MCF2L2: variants seen among roughly 807,000 people sequenced by gnomAD.
MCF2L2 encodes the protein probable guanine nucleotide exchange factor MCF2L2.
MCF2L2 carries 102 observed loss-of-function variants against 150.2 expected under a neutral mutation model. The ratio of observed to expected loss-of-function variants is 0.68; its 90% confidence interval spans 0.58 to 0.80. The LOEUF (loss-of-function observed/expected upper bound fraction) is 0.80, where lower values mean the gene tolerates loss of function less well. Ranked by LOEUF, MCF2L2 falls within the 30% of genes least tolerant of loss-of-function variation. The pLI, the probability that MCF2L2 is intolerant of heterozygous loss-of-function variation, is 0.00. For missense variants in MCF2L2, 1,256 were observed against 1,372.8 expected (o/e 0.91, Z 1.34); for synonymous variants, 465 against 491.3 (o/e 0.95, Z 0.71).
chr3:183,349,926 C>A (rs1731047241), intron 3 of MCF2L2, among the ~76,000 whole-genome samples: 1 of 152,016 alleles, frequency 6.6e-6, no homozygotes, highest in Non-Finnish European at 1.5e-5. Context: ...TCTAAGGGAG[C>A]CACCAGGACT....
At chr3:183,334,017 T>C (rs527759758) in intron 5 of MCF2L2, among the ~76,000 whole-genome samples, 6 of 149,632 alleles carry the variant, frequency 4.0e-5, no homozygotes, top group African/African-American at 1.5e-4. Context: ...AAGAGTCAGC[T>C]TGAAGGGGTT....
rs146731188 is a variant in MCF2L2 at position 183,370,957 on chromosome 3, T to C, written c.275+8340A>G. Among the ~76,000 whole-genome samples, 440 of 152,296 alleles carry C rather than the reference T, an allele frequency of 2.9e-3. 4 individuals carry two copies. Among genetic ancestry groups the C allele is most frequent in the African/African-American group, 0.01 (424 of 41,560 alleles). ...CAGCTGCCCACATGACTGTACACTC[T>C]GGATTGACAAGTACACTCTGTACTC... On this transcript the variant is annotated intron_variant, in intron 3 of 29. Transcript: ENST00000328913.
chr3:183,326,535 C>G (rs1730046594), intron 5 of MCF2L2, among the ~76,000 whole-genome samples: 1 of 141,160 alleles, frequency 7.1e-6, no homozygotes, highest in South Asian at 2.3e-4. Context: ...AACCCACAAA[C>G]CTTTTTATCC....
At chr3:183,293,485 C>T (rs556679658) in intron 13 of MCF2L2, among the ~76,000 whole-genome samples, 9 of 152,280 alleles carry the variant, frequency 5.9e-5, no homozygotes, top group African/African-American at 2.2e-4. Context: ...CCATATCATT[C>T]TCTCAATACA....
At chr3:183,286,995 C>T (rs1344234370) in intron 14 of MCF2L2, among the ~76,000 whole-genome samples, 1 of 152,142 alleles carries the variant, frequency 6.6e-6, no homozygotes, top group Admixed American at 6.5e-5. Context: ...GAGATGGCAA[C>T]TTAACAGGAT....
At position 183,179,711 on chromosome 3, in the gene MCF2L2, G is replaced by GT. The variant is rs1405161297; in HGVS notation, c.3106-20dup. ...CCGCGAGCTGGAAGGGAGGGGACGGGTGCACCCTCAGAGTTATTGCTGGAG... is the reference window on the plus strand; with the variant it reads ...CCGCGAGCTGGAAGGGAGGGGACGGGTTGCACCCTCAGAGTTATTGCTGGAG... On this transcript the variant is annotated intron_variant, in intron 28 of 29. Coordinates refer to ENST00000328913, the MANE Select transcript of MCF2L2 (RefSeq NM_015078.4). The surrounding 1 kb of genome is among the most constrained non-coding windows in gnomAD (Gnocchi z 4.2). 1 of 1,597,620 alleles carries GT rather than the reference G, an allele frequency of 6.3e-7. No individual in the cohort carries two copies. The highest frequency in any genetic ancestry group is 8.6e-7 in the Non-Finnish European group (1 of 1,165,356).
rs946519223 is a variant in MCF2L2, at chr3:183,259,078, G to A, written c.1862+17794C>T. ...TGTAGTTGGTTGAATCTGAGGATGC[G>A]GAACCCATGAACGTACACGACCAAC... On this transcript the variant is annotated intron_variant, in intron 15 of 29. Coordinates refer to ENST00000328913, the MANE Select transcript of MCF2L2 (RefSeq NM_015078.4). Among the ~76,000 whole-genome samples, 3 of 152,050 alleles carry A rather than the reference G, an allele frequency of 2.0e-5. No individual in the cohort carries two copies. The South Asian group carries it at 6.2e-4, about 31-fold the overall frequency.
chr3:183,338,933 G>A lies in MCF2L2; in HGVS notation c.367-14C>T, dbSNP rs1730597947. 1.3e-6 allele frequency: 2 copies of A among 1,592,886 alleles called. No individual in the cohort carries two copies. Among genetic ancestry groups the A allele is most frequent in the South Asian group, 2.2e-5 (2 of 89,054 alleles). On this transcript the variant is annotated splice_polypyrimidine_tract_variant and intron_variant, in intron 4 of 29. Transcript: ENST00000328913. Reference sequence around the variant, plus strand: ...TGGAAATGCCACCTGCAAGCATCAGGAAAAGTGTCAGGAGGAGAGAGAAAA... The same window carrying A: ...TGGAAATGCCACCTGCAAGCATCAGAAAAAGTGTCAGGAGGAGAGAGAAAA...
chr3:183,397,295 G>A (rs1020195459), intron 1 of MCF2L2, among the ~76,000 whole-genome samples: 12 of 152,206 alleles, frequency 7.9e-5, no homozygotes, highest in African/African-American at 2.7e-4. Flanking sequence ...TGTCTGGCAA[G>A]GACTTCCTCT....
At chr3:183,330,272 AAAAAAGGAAAG>A (rs1730218062) in intron 5 of MCF2L2, among the ~76,000 whole-genome samples, 1 of 151,474 alleles carries the variant, frequency 6.6e-6, no homozygotes, top group Non-Finnish European at 1.5e-5. Context: ...AAGAAGAAGA[AAAAAAGGAAAG>A]GAAAAGGAAA....
At chr3:183,395,523 T>C (rs1395942245) in intron 1 of MCF2L2, among the ~76,000 whole-genome samples, 5 of 152,242 alleles carry the variant, frequency 3.3e-5, no homozygotes, top group African/African-American at 1.2e-4. Context: ...TGGTACTTTA[T>C]TGAAGTATAA....
chr3:183,313,282 G>C (rs1223436598), intron 7 of MCF2L2, among the ~76,000 whole-genome samples: 3 of 150,920 alleles, frequency 2.0e-5, no homozygotes, highest in African/African-American at 7.4e-5. Context: ...GAAGAGTTGG[G>C]AAGAAAGGTG....
At chr3:183,351,007 T>G (rs1464672611) in intron 3 of MCF2L2, among the ~76,000 whole-genome samples, 1 of 151,470 alleles carries the variant, frequency 6.6e-6, no homozygotes, top group African/African-American at 2.4e-5. Flanking sequence ...AACACTATAC[T>G]CCTTCATTTT....
intron 1 of MCF2L2, among the ~76,000 whole-genome samples, chr3:183,427,600 G>A (rs1330768310): frequency 7.0e-6 from 1 of 141,896 alleles, no homozygotes; most frequent in Non-Finnish European, 1.5e-5. Flanking sequence ...CCCTACTCCC[G>A]TCAGAAGCAG....
At chr3:183,369,299 C>T (rs1048764722) in intron 3 of MCF2L2, among the ~76,000 whole-genome samples, 1 of 152,120 alleles carries the variant, frequency 6.6e-6, no homozygotes, top group African/African-American at 2.4e-5. Context: ...GACTCTACCA[C>T]TGATATTAAC....
chr3:183,300,201 A>G lies in MCF2L2; in HGVS notation c.1114-5T>C, dbSNP rs1728768729. ...CTGGGCCTTTTCCAGGGGCTCCTGCAAAGTGAACACCCACAGCCAGGCGTC... is the reference window on the plus strand; with the variant it reads ...CTGGGCCTTTTCCAGGGGCTCCTGCGAAGTGAACACCCACAGCCAGGCGTC... On this transcript the variant is annotated splice_polypyrimidine_tract_variant and splice_region_variant and intron_variant, in intron 10 of 29. Transcript: ENST00000328913. 6.3e-7 allele frequency: 1 copy of G among 1,599,036 alleles called. No homozygotes were observed. The highest frequency in any genetic ancestry group is 1.8e-5 in the Admixed American group (1 of 55,634).
chr3:183,306,731 T>G (rs1010769), intron 10 of MCF2L2, among the ~76,000 whole-genome samples: 50,309 of 152,104 alleles, frequency 0.33, 9,919 homozygotes, highest in African/African-American at 0.53. Flanking sequence ...TGCTTCTCTG[T>G]GTGTTTGAAA....
intron 1 of MCF2L2, among the ~76,000 whole-genome samples, chr3:183,403,077 C>T (rs1714857823): frequency 6.6e-6 from 1 of 151,946 alleles, no homozygotes; most frequent in Non-Finnish European, 1.5e-5. Flanking sequence ...AGTTCGAGAC[C>T]AGCCTGGCCA....
chr3:183,352,618 T>C (rs6443876), intron 3 of MCF2L2, among the ~76,000 whole-genome samples: 17,074 of 152,132 alleles, frequency 0.11, 1,576 homozygotes, highest in African/African-American at 0.24. Context: ...CAGACGTGCT[T>C]CCACTGCACA....
Sources: gnomAD v4.1 joint callset for allele counts (sites outside exome capture counted in the v4.1 genomes callset) on GRCh38, gnomAD v4.1.1 for gene constraint, Gnocchi (gnomAD v3.1) non-coding constraint, MANE v1.5 for transcripts, NCBI Gene and HGNC (gene_info 2026-07-23, HGNC 2026-07-21) for gene names.